Variants in GEN1 observed in about 807,000 individuals in gnomAD.
The protein encoded by GEN1 is GEN1 structure-specific endonuclease, also known as flap endonuclease GEN homolog 1.
GEN1 carries 64 observed loss-of-function variants against 67.6 expected under a neutral mutation model. The ratio of observed to expected loss-of-function variants is 0.95; its 90% CI spans 0.77 to 1.17. The LOEUF is 1.17. Among genes scored for constraint, GEN1 ranks in the 50% most tolerant of loss-of-function variants. GEN1 has a pLI of 0.00. For missense variants in GEN1, 1,058 were observed against 1,048.3 expected (o/e 1.01, Z -0.13); for synonymous variants, 371 against 359.4 (o/e 1.03, Z -0.37).
chr2:17,768,591 A>G, intron 5 of GEN1, 147 bp from the exon 6 acceptor site: 2 of 583,612 alleles, frequency 3.4e-6, no homozygotes, highest in Non-Finnish European at 3.1e-6. Flanking sequence ...TGTTTTATGC[A>G]TAGCAGTGTA....
At position 17,781,075 on chromosome 2, in the gene GEN1, C is replaced by T; in HGVS notation, c.1863C>T (p.Ile621=). Residue 621 remains isoleucine (I), a synonymous_variant, in exon 14 of 14, where the codon ATC becomes ATT. Coordinates refer to ENST00000381254, the MANE Select transcript of GEN1 (RefSeq NM_001130009.3). ...KSEVESELSA[I]PDGFENIPEQ... is the part of the protein sequence containing the mutation. ...AAGTTGAATCAGAGCTATCAGCCATCCCTGATGGCTTTGAAAATATCCCAG... is the reference window on the plus strand; with the variant it reads ...AAGTTGAATCAGAGCTATCAGCCATTCCTGATGGCTTTGAAAATATCCCAG... 2 of 1,613,626 alleles carry T rather than the reference C, an allele frequency of 1.2e-6. No individual in the cohort carries two copies. Among genetic ancestry groups the T allele is most frequent in the Non-Finnish European group, 1.7e-6 (2 of 1,179,580 alleles).
Position 17,780,137 on chromosome 2 carries a change from G to T in GEN1, c.1408+16G>T. On this transcript the variant is annotated intron_variant, in intron 13 of 13. Coordinates refer to ENST00000381254, the MANE Select transcript of GEN1 (RefSeq NM_001130009.3). ...AAACAAAAACGTAAGTTTTGGGTTT[G>T]ATAGCTATTTATGCCACATGCAAAT... 8 of 1,603,012 alleles carry T rather than the reference G, an allele frequency of 5.0e-6. No individual in the cohort carries two copies. Among genetic ancestry groups the T allele is most frequent in the Non-Finnish European group, 6.8e-6 (8 of 1,174,260 alleles).
intron 2 of GEN1, among the ~76,000 whole-genome samples, chr2:17,760,507 C>T (rs1218569865): frequency 1.3e-5 from 2 of 152,226 alleles, no homozygotes; most frequent in African/African-American, 4.8e-5. Flanking sequence ...ATGCCAACCT[C>T]ATCTCTCATC....
chr2:17,756,532 TAAAA>T (rs543025793), intron 1 of GEN1, among the ~76,000 whole-genome samples: 1 of 151,988 alleles, frequency 6.6e-6, no homozygotes, highest in African/African-American at 2.4e-5. Context: ...TTTACCATAG[TAAAA>T]AAAACTAAAA....
chr2:17,757,199 C>G (rs559062107), intron 1 of GEN1, among the ~76,000 whole-genome samples: 3 of 150,612 alleles, frequency 2.0e-5, no homozygotes, highest in South Asian at 4.2e-4. Context: ...GGTTAAAAGC[C>G]CTCTTTATCT....
intron 11 of GEN1, 156 bp downstream of exon 11, chr2:17,774,557 A>T: frequency 2.4e-6 from 1 of 423,092 alleles, no homozygotes; most frequent in Non-Finnish European, 4.3e-6. Flanking sequence ...AGAACAACAT[A>T]GTAAGTCATG....
chr2:17,778,137 T>A, intron 12 of GEN1, 74 bp downstream of exon 12: 1 of 591,796 alleles, frequency 1.7e-6, no homozygotes, highest in Non-Finnish European at 3.0e-6. Flanking sequence ...ATTGTATATG[T>A]GTATATATAT....
chr2:17,781,294 C>T lies in GEN1; in HGVS notation c.2082C>T (p.Asn694=). 6.2e-7 allele frequency: 1 copy of T among 1,613,722 alleles called. No individual in the cohort carries two copies. The highest frequency in any genetic ancestry group is 8.5e-7 in the Non-Finnish European group (1 of 1,179,722). ...YPQDNLQPDV[N]LKTLSILSVK... ...AGGATAATCTACAACCAGATGTCAA[C>T]CTGAAAACTTTGTCCATACTTAGTG... Residue 694 remains asparagine (N), a synonymous_variant, in exon 14 of 14, where the codon AAC becomes AAT. Coordinates refer to ENST00000381254, the MANE Select transcript of GEN1 (RefSeq NM_001130009.3).
chr2:17,758,250 T>G (rs1671514175), intron 1 of GEN1, among the ~76,000 whole-genome samples: 1 of 152,202 alleles, frequency 6.6e-6, no homozygotes, highest in South Asian at 2.1e-4. Context: ...TAACCTGCAT[T>G]TAAAATTTTG....
chr2:17,778,324 GTGTACATATATGTATACACACACA>G (rs1672613504), intron 12 of GEN1, among the ~76,000 whole-genome samples: 1 of 54,500 alleles, frequency 1.8e-5, no homozygotes, highest in African/African-American at 7.9e-5. Flanking sequence ...ACACACACAC[GTGTACATATATGTATACACACACA>G]TGTGTGTACA....
At chr2:17,775,313 A>G (rs1672377010) in intron 11 of GEN1, among the ~76,000 whole-genome samples, 1 of 152,202 alleles carries the variant, frequency 6.6e-6, no homozygotes, top group Non-Finnish European at 1.5e-5. Flanking sequence ...TGGTCCAAAA[A>G]AATTAGTGAT....
chr2:17,763,589 A>G (rs569370930), intron 3 of GEN1, among the ~76,000 whole-genome samples: 1 of 152,184 alleles, frequency 6.6e-6, no homozygotes, highest in Non-Finnish European at 1.5e-5. Context: ...TAGTCCTCCA[A>G]TACCACCTCC....
At chr2:17,778,225 C>A (rs1177343455) in intron 12 of GEN1, among the ~76,000 whole-genome samples, 162 bp downstream of exon 12, 1 of 145,038 alleles carries the variant, frequency 6.9e-6, no homozygotes, top group African/African-American at 2.6e-5. Flanking sequence ...TGTATACACA[C>A]ACATATATGT....
At chr2:17,755,470 T>C (rs982695316) in intron 1 of GEN1, 6 of 152,216 alleles carry the variant, frequency 3.9e-5, no homozygotes, top group Non-Finnish European at 5.9e-5. Flanking sequence ...TTGATAAACG[T>C]GAAGTATGCC....
intron 6 of GEN1, 125 bp from the exon 7 acceptor site, chr2:17,771,071 T>C: frequency 1.4e-6 from 1 of 710,088 alleles, no homozygotes; most frequent in Non-Finnish European, 2.5e-6. Context: ...CCAGCAACTT[T>C]ATCAGCCACC....
At chr2:17,769,805 A>AT (rs1672102343) in intron 6 of GEN1, among the ~76,000 whole-genome samples, 1 of 151,150 alleles carries the variant, frequency 6.6e-6, no homozygotes, top group Non-Finnish European at 1.5e-5. Flanking sequence ...TTTTATAAAA[A>AT]TTAATATTAA....
At position 17,774,328 on chromosome 2, in the gene GEN1, G is replaced by T. The variant is rs1271507978; in HGVS notation, c.1129G>T (p.Val377Leu). 6.2e-7 allele frequency: 1 copy of T among 1,602,618 alleles called. No individual in the cohort carries two copies. The highest frequency in any genetic ancestry group is 1.1e-5 in the South Asian group (1 of 90,128). Reference sequence around the variant, plus strand: ...TCACTATGCATGTGAGAAATTGCTGGTACTTTTGACCCATTATGACATGAT... The same window carrying T: ...TCACTATGCATGTGAGAAATTGCTGTTACTTTTGACCCATTATGACATGAT... The part of the protein sequence containing the change: ...PNHYACEKLL[V>L]LLTHYDMIER... The change falls in exon 11 of 14, where the codon GTA (valine) becomes TTA (leucine). Residue 377 changes from valine to leucine, a missense_variant. Coordinates refer to ENST00000381254, the MANE Select transcript of GEN1 (RefSeq NM_001130009.3).
intron 3 of GEN1, among the ~76,000 whole-genome samples, chr2:17,763,559 G>T (rs565391380): frequency 6.6e-6 from 1 of 152,016 alleles, no homozygotes; most frequent in Non-Finnish European, 1.5e-5. Flanking sequence ...TTAGGTATTC[G>T]CATGAAAAGC....
chr2:17,780,489 A>G, intron 13 of GEN1, 132 bp from the exon 14 acceptor site: 1 of 606,334 alleles, frequency 1.6e-6, no homozygotes, highest in Non-Finnish European at 2.9e-6. Flanking sequence ...ATAATCTAGC[A>G]ATGCACTGAG....
Sources: allele counts gnomAD v4.1 joint callset (sites outside exome capture counted in the v4.1 genomes callset), GRCh38; gene constraint gnomAD v4.1.1; transcripts MANE v1.5; gene names NCBI Gene and HGNC (gene_info 2026-07-23, HGNC 2026-07-21).